FAM156A: variants seen among roughly 807,000 people sequenced by gnomAD.
FAM156A encodes the protein protein FAM156A/FAM156B.
intron 1 of FAM156A, among the ~76,000 whole-genome samples, chrX:52,993,529 C>T (rs1930951804): frequency 9.3e-6 from 1 of 107,427 alleles, no homozygotes; most frequent in Non-Finnish European, 1.9e-5. Context: ...ATTCTCATGC[C>T]TCAGCCTCCC....
intron 1 of FAM156A, among the ~76,000 whole-genome samples, chrX:52,981,256 C>T (rs1439308181): frequency 9.0e-6 from 1 of 111,281 alleles, no homozygotes. Context: ...CTTAGAAAGG[C>T]AGGTGACTTC....
At chrX:52,978,042 A>C (rs1157888830) in intron 1 of FAM156A, among the ~76,000 whole-genome samples, 1 of 112,354 alleles carries the variant, frequency 8.9e-6, no homozygotes, top group East Asian at 2.8e-4. Flanking sequence ...TATACAAGTT[A>C]CATGAAGAGG....
At chrX:52,975,184 C>T (rs5951164) in intron 1 of FAM156A, among the ~76,000 whole-genome samples, 12,097 of 110,520 alleles carry the variant, frequency 0.11, 528 homozygotes, top group Non-Finnish European at 0.15. Context: ...AACTTTAGCT[C>T]GAGGGTGGCC....
At chrX:52,984,390 C>T (rs1930118091) in intron 1 of FAM156A, among the ~76,000 whole-genome samples, 1 of 112,224 alleles carries the variant, frequency 8.9e-6, no homozygotes, top group African/African-American at 3.2e-5. Flanking sequence ...AGCACCTATG[C>T]AGCATAAACT....
chrX:52,977,862 A>T (rs1252410786), intron 1 of FAM156A, among the ~76,000 whole-genome samples: 3 of 112,393 alleles, frequency 2.7e-5, no homozygotes, highest in African/African-American at 9.7e-5. Context: ...CATCAGATTC[A>T]GATCTTCACA....
chrX:52,990,817 A>AAAAGAAAAGAAAAGG (rs1930697541), intron 1 of FAM156A, among the ~76,000 whole-genome samples: 1 of 101,983 alleles, frequency 9.8e-6, no homozygotes, highest in Non-Finnish European at 2.0e-5. Flanking sequence ...AAAAGAAAAG[A>AAAAGAAAAGAAAAGG]AAAGAAAAGA....
chrX:52,976,895 T>A (rs1556792354), intron 1 of FAM156A, among the ~76,000 whole-genome samples: 1 of 109,850 alleles, frequency 9.1e-6, no homozygotes. Flanking sequence ...AATGTTATCA[T>A]CCCTTATTAC....
intron 1 of FAM156A, among the ~76,000 whole-genome samples, chrX:52,981,942 C>T (rs1556793494): frequency 9.1e-6 from 1 of 109,563 alleles, no homozygotes; most frequent in Non-Finnish European, 1.9e-5. Context: ...GTGTTTTCTT[C>T]ATTGTTAGAA....
At chrX:52,983,495 G>A (rs1169323718) in intron 1 of FAM156A, among the ~76,000 whole-genome samples, 2 of 112,207 alleles carry the variant, frequency 1.8e-5, no homozygotes, top group African/African-American at 6.5e-5. Context: ...GGCTGCAGTA[G>A]CAGCAGCAAA....
intron 1 of FAM156A, among the ~76,000 whole-genome samples, chrX:52,980,130 C>T (rs1035334860): frequency 8.9e-6 from 1 of 111,789 alleles, no homozygotes. Context: ...AACTGGGTGG[C>T]GGGGGCCGGG....
chrX:52,981,085 C>T (rs1929871966), intron 1 of FAM156A, among the ~76,000 whole-genome samples: 1 of 108,322 alleles, frequency 9.2e-6, no homozygotes, highest in African/African-American at 3.4e-5. Flanking sequence ...TACTCAAAGT[C>T]TACTGATTTT....
At chrX:52,980,810 G>C (rs1929834954) in intron 1 of FAM156A, among the ~76,000 whole-genome samples, 1 of 97,901 alleles carries the variant, frequency 1.0e-5, no homozygotes, top group Non-Finnish European at 2.1e-5. Flanking sequence ...GTGTGTGTGT[G>C]TGTGTGTGTG....
chrX:52,983,890 G>A lies in FAM156A; in HGVS notation c.-434+11416C>T, dbSNP rs184234007. On this transcript the variant is annotated intron_variant, in intron 1 of 4. Coordinates refer to the FAM156A transcript ENST00000610625. ...TCACAGCGTGTGTGAGGCCATAATC[G>A]CCCGAGCACAAAAGGTTCATCACCC... 6.2e-3 allele frequency among the ~76,000 whole-genome samples: 700 copies of A among 112,232 alleles called. 5 individuals are homozygous for A. The highest frequency in any genetic ancestry group is 1.0e-2 in the Non-Finnish European group (532 of 53,224).
intron 1 of FAM156A, among the ~76,000 whole-genome samples, chrX:52,991,386 G>A (rs973485654): frequency 2.7e-5 from 3 of 111,068 alleles, no homozygotes; most frequent in African/African-American, 6.6e-5. Flanking sequence ...CCTTTCCTCC[G>A]CCTTCTTGTT....
intron 1 of FAM156A, among the ~76,000 whole-genome samples, chrX:52,987,484 T>A (rs1476044156): frequency 9.1e-6 from 1 of 109,887 alleles, no homozygotes; most frequent in East Asian, 2.8e-4. Context: ...TGAGACCCCA[T>A]CTCTGCAAAA....
At chrX:52,976,387 T>C (rs1929470974) in intron 1 of FAM156A, among the ~76,000 whole-genome samples, 1 of 109,784 alleles carries the variant, frequency 9.1e-6, no homozygotes. Flanking sequence ...GAGGTTACAG[T>C]GAAACAAGAT....
intron 1 of FAM156A, among the ~76,000 whole-genome samples, chrX:52,982,539 A>G (rs1397461019): frequency 8.9e-6 from 1 of 111,961 alleles, no homozygotes; most frequent in Admixed American, 9.5e-5. Flanking sequence ...AAAAATAATA[A>G]TCTCAATAGA....
chrX:52,988,449 C>A (rs1355113551), intron 1 of FAM156A, among the ~76,000 whole-genome samples: 2 of 110,169 alleles, frequency 1.8e-5, no homozygotes, highest in African/African-American at 6.6e-5. Context: ...TATACAAGGG[C>A]AGCACAAGGA....
At chrX:52,975,096 T>TCACACACA in intron 1 of FAM156A, among the ~76,000 whole-genome samples, 1 of 72,794 alleles carries the variant, frequency 1.4e-5, no homozygotes, top group African/African-American at 4.9e-5. Context: ...ACACACACAT[T>TCACACACA]CCCTTGGCAC....
Sources: allele counts gnomAD v4.1 joint callset (sites outside exome capture counted in the v4.1 genomes callset), GRCh38; gene constraint gnomAD v4.1.1; transcripts MANE v1.5; gene names NCBI Gene and HGNC (gene_info 2026-07-23, HGNC 2026-07-21).